ZNF200: variants seen among roughly 807,000 people sequenced by gnomAD.
ZNF200 encodes zinc finger protein 200.
In ZNF200, 35 loss-of-function variants were observed where a neutral mutation model predicts 33.6. That is an observed-to-expected ratio of 1.04 (90% CI 0.80 to 1.38). The LOEUF (loss-of-function observed/expected upper bound fraction) is 1.38, where lower values mean the gene tolerates loss of function less well. ZNF200 is among the 40% of genes most tolerant of loss of function. The pLI, the probability that ZNF200 is intolerant of heterozygous loss-of-function variation, is 0.00. For synonymous variants in ZNF200, 209 were observed against 167.7 expected (o/e 1.25, Z -1.90); for missense variants, 592 against 470.6 (o/e 1.26, Z -2.39).
chr16:3,230,645 C>A (rs145282104), intron 4 of ZNF200, among the ~76,000 whole-genome samples: 142 of 152,284 alleles, frequency 9.3e-4, no homozygotes, highest in Middle Eastern at 6.8e-3. Flanking sequence ...TGATTCCTGC[C>A]ACCACAATGT....
Position 3,233,896 on chromosome 16 carries a change from A to G in ZNF200, c.-81-60T>C, listed in dbSNP as rs1395199794. On this transcript the variant is annotated intron_variant, in intron 1 of 4. Transcript: ENST00000414144. ...CCAGGCACGGCATTACTGCACTCCA[A>G]TATGTGGCATGGCTGGTGAGGCTAC... The G allele has an allele frequency of 6.6e-6, 9 of 1,365,190 alleles. No homozygotes were observed. In the Middle Eastern group the frequency reaches 8.0e-4, roughly 122 times the overall value. The allele number at this position is 1,365,190 out of a possible 1,614,324, so 84.6% of individuals were successfully genotyped here.
chr16:3,224,076 A>T lies in ZNF200; in HGVS notation c.1004T>A (p.Ile335Lys). 10 of 1,614,182 alleles carry T rather than the reference A, an allele frequency of 6.2e-6. No individual in the cohort carries two copies. Among genetic ancestry groups the T allele is most frequent in the Non-Finnish European group, 8.5e-6 (10 of 1,180,036 alleles). Residue 335 changes from isoleucine (I) to lysine (K), a missense_variant, in exon 5 of 5, where the codon ATA becomes AAA. By Grantham distance (102) the Ile-to-Lys change is moderately radical (BLOSUM62 -3). Transcript: ENST00000414144. ...TTTCCCACATTCTGGACACTTAAAT[A>T]TCTTCTCCCTTATATGGATTCCTTC... ...RHEGIHIREK[I>K]FKCPECGKTF...
At chr16:3,231,916 G>A (rs1200577956) in intron 4 of ZNF200, among the ~76,000 whole-genome samples, 1 of 152,188 alleles carries the variant, frequency 6.6e-6, no homozygotes, top group Non-Finnish European at 1.5e-5. Flanking sequence ...AGAAGTACAT[G>A]AGAGAATAAA....
At chr16:3,234,446 A>G (rs1328936197) in intron 1 of ZNF200, among the ~76,000 whole-genome samples, 1 of 152,172 alleles carries the variant, frequency 6.6e-6, no homozygotes, top group Non-Finnish European at 1.5e-5. Flanking sequence ...GAAGGGAATC[A>G]GGGAAGAGAA....
chr16:3,230,326 T>C (rs1036538396), intron 4 of ZNF200, among the ~76,000 whole-genome samples: 4 of 152,270 alleles, frequency 2.6e-5, no homozygotes, highest in African/African-American at 9.6e-5. Context: ...TTAAGAGTTT[T>C]AAATTTTCCA....
In ZNF200 at chr16:3,232,401, C is replaced by T; in HGVS notation, c.466+20G>A. The T allele has an allele frequency of 6.2e-7, 1 of 1,611,462 alleles. No homozygotes were observed. Among genetic ancestry groups the T allele is most frequent in the South Asian group, 1.1e-5 (1 of 90,700 alleles). ...TCCCAAAGCAAACAACCTGAACACA[C>T]AAAGGCTGTGATTTCTTACCCAGTA... On this transcript the variant is annotated intron_variant, in intron 4 of 4. Coordinates refer to ENST00000414144, the MANE Select transcript of ZNF200 (RefSeq NM_198088.3).
intron 3 of ZNF200, 114 bp downstream of exon 3, chr16:3,232,719 A>C (rs1958669496): frequency 7.0e-7 from 1 of 1,431,532 alleles, no homozygotes; most frequent in Non-Finnish European, 9.6e-7. Flanking sequence ...CTCAAGGAAA[A>C]AGCAGAAGAA....
At position 3,223,711 on chromosome 16, in the gene ZNF200, TTTC is replaced by T; in HGVS notation, c.*178_*180del. On this transcript the variant is annotated 3_prime_UTR_variant, in exon 5 of 5. Coordinates refer to ENST00000414144, the MANE Select transcript of ZNF200 (RefSeq NM_198088.3). ...TGCTGAGGTATAGCCCTTGAAATGT[TTTC>T]TTCCCTGTGAATTTTCTAGCAATTT... The T allele has an allele frequency of 1.1e-6, 1 of 950,078 alleles. No homozygotes were observed. The highest frequency in any genetic ancestry group is 1.5e-6 in the Non-Finnish European group (1 of 656,152). 58.9% of individuals were successfully genotyped at this position (950,078 alleles called of 1,614,324 possible). A position where few individuals can be genotyped will look rare whatever the true frequency, so the allele number is the denominator to read the frequency against.
At chr16:3,231,859 T>A in intron 4 of ZNF200, among the ~76,000 whole-genome samples, 1 of 152,212 alleles carries the variant, frequency 6.6e-6, no homozygotes, top group African/African-American at 2.4e-5. Context: ...CTCAGTTCTG[T>A]CACCTGTAAG....
intron 4 of ZNF200, chr16:3,226,821 A>G (rs560863568): frequency 6.6e-6 from 1 of 152,342 alleles, no homozygotes; most frequent in South Asian, 2.1e-4. Flanking sequence ...TACAGATGCA[A>G]TTACCCTTAT....
chr16:3,228,688 G>C (rs1440652643), intron 4 of ZNF200, among the ~76,000 whole-genome samples: 1 of 151,724 alleles, frequency 6.6e-6, no homozygotes, highest in Non-Finnish European at 1.5e-5. Context: ...TTTTAGTAGA[G>C]ATGGGGTTTT....
At chr16:3,229,532 C>T (rs1958577955) in intron 4 of ZNF200, among the ~76,000 whole-genome samples, 1 of 152,058 alleles carries the variant, frequency 6.6e-6, no homozygotes, top group Non-Finnish European at 1.5e-5. Flanking sequence ...AAGCACCAGC[C>T]TCAGACAGTT....
chr16:3,232,583 T>A lies in ZNF200; in HGVS notation c.340-36A>T, dbSNP rs752507018. On this transcript the variant is annotated intron_variant, in intron 3 of 4. Transcript: ENST00000414144. ...AAGAGGCCCCTTTCATCTTAGTAAC[T>A]GAGGTTCACTGACAGCCCTACTGGT... 4 of 1,608,166 alleles carry A rather than the reference T, an allele frequency of 2.5e-6. No homozygotes were observed. The East Asian group carries it at 8.9e-5, about 36-fold the overall frequency.
intron 3 of ZNF200, 66 bp from the exon 4 acceptor site, chr16:3,232,613 AAAGCTG>A: frequency 6.3e-7 from 1 of 1,587,468 alleles, no homozygotes; most frequent in Non-Finnish European, 8.5e-7. Context: ...ACTGGTAAGA[AAAGCTG>A]ACACACAAAG....
chr16:3,231,931 T>C (rs951756518), intron 4 of ZNF200, among the ~76,000 whole-genome samples: 2 of 152,188 alleles, frequency 1.3e-5, no homozygotes, highest in African/African-American at 4.8e-5. Flanking sequence ...AATAAACACA[T>C]GAAAAGCATT....
intron 4 of ZNF200, among the ~76,000 whole-genome samples, chr16:3,230,319 A>T (rs1958602340): frequency 6.6e-6 from 1 of 152,242 alleles, no homozygotes; most frequent in Non-Finnish European, 1.5e-5. Flanking sequence ...CAGTTGCTTA[A>T]GAGTTTTAAA....
At chr16:3,224,647 A>G (rs778776875) in intron 4 of ZNF200, 34 bp from the exon 5 acceptor site, 2 of 1,544,730 alleles carry the variant, frequency 1.3e-6, no homozygotes, top group Non-Finnish European at 1.7e-6. Context: ...AACTTCTGAG[A>G]GATATCACAA....
chr16:3,232,927 G>T lies in ZNF200; in HGVS notation c.251-6C>A. 6.2e-7 allele frequency: 1 copy of T among 1,613,224 alleles called. No homozygotes were observed. The highest frequency in any genetic ancestry group is 8.5e-7 in the Non-Finnish European group (1 of 1,179,448). On this transcript the variant is annotated splice_region_variant and splice_polypyrimidine_tract_variant and intron_variant, in intron 2 of 4. Coordinates refer to ENST00000414144, the MANE Select transcript of ZNF200 (RefSeq NM_198088.3). ...CACCAAGGGACGAGGATGCACTGGGGAAAGAGGAAGGTTTAGTTAGTGAAA... is the reference window on the plus strand; with the variant it reads ...CACCAAGGGACGAGGATGCACTGGGTAAAGAGGAAGGTTTAGTTAGTGAAA...
intron 4 of ZNF200, among the ~76,000 whole-genome samples, chr16:3,230,940 GATGA>G (rs1456725328): frequency 6.6e-6 from 1 of 152,194 alleles, no homozygotes; most frequent in Non-Finnish European, 1.5e-5. Context: ...CTTATCGTTT[GATGA>G]ATGACTTGTC....
Sources: allele counts gnomAD v4.1 joint callset (sites outside exome capture counted in the v4.1 genomes callset), GRCh38; gene constraint gnomAD v4.1.1; transcripts MANE v1.5; gene names NCBI Gene and HGNC (gene_info 2026-07-23, HGNC 2026-07-21).